The following PLXNA2 variants were observed in gnomAD, a reference collection of about 807,000 sequenced individuals.
PLXNA2 encodes the protein plexin-A2.
Under a neutral mutation model 193.5 loss-of-function variants are expected in PLXNA2, and 91 were observed. The ratio of observed to expected loss-of-function variants is 0.47; its 90% CI spans 0.40 to 0.56. The LOEUF is 0.56. PLXNA2 is among the 20% of genes least tolerant of loss of function. The pLI, the probability that PLXNA2 is intolerant of heterozygous loss-of-function variation, is 0.00. For missense variants in PLXNA2, 1,995 were observed against 2,503.2 expected (o/e 0.80, Z 4.33); for synonymous variants, 997 against 1,027.3 (o/e 0.97, Z 0.56).
chr1:208,186,863 G>A (rs1670022943), intron 3 of PLXNA2, among the ~76,000 whole-genome samples: 1 of 151,258 alleles, frequency 6.6e-6, no homozygotes, highest in South Asian at 2.1e-4. Context: ...GGGACTACAG[G>A]CGCCCGCCAC....
At position 208,183,419 on chromosome 1, in the gene PLXNA2, G is replaced by A. The variant is rs1239203360; in HGVS notation, c.1371+26861C>T. 2.0e-5 allele frequency among the ~76,000 whole-genome samples: 3 copies of A among 152,314 alleles called. No homozygotes were observed. The East Asian group carries it at 5.8e-4, about 29-fold the overall frequency. On this transcript the variant is annotated intron_variant, in intron 3 of 31. Transcript: ENST00000367033. ...ATGGGGGAGTAGAGGGAGCCGGAAA[G>A]GAGGTCTGCAGGCCTCGTTGACTCT...
In PLXNA2 at chr1:208,179,777, C is replaced by T. The variant is rs546941373; in HGVS notation, c.1371+30503G>A. Among the ~76,000 whole-genome samples, 34 of 152,306 alleles carry T rather than the reference C, an allele frequency of 2.2e-4. 1 individual carries two copies. Among genetic ancestry groups the T allele is most frequent in the African/African-American group, 7.9e-4 (33 of 41,560 alleles). On this transcript the variant is annotated intron_variant, in intron 3 of 31. Coordinates refer to ENST00000367033, the MANE Select transcript of PLXNA2 (RefSeq NM_025179.4). ...CCTCCCCTTGGAGATTCTGTACTCT[C>T]TCCTGCTGCCCAGGGAAGCCAGAGC...
At chr1:208,047,279 T>G (rs941733245) in intron 17 of PLXNA2, among the ~76,000 whole-genome samples, 1 of 91,738 alleles carries the variant, frequency 1.1e-5, no homozygotes, top group South Asian at 4.4e-4. Flanking sequence ...ATGTTTTATG[T>G]AGGACCTCTC....
intron 9 of PLXNA2, among the ~76,000 whole-genome samples, chr1:208,087,762 A>G (rs1367154459): frequency 6.6e-6 from 1 of 152,258 alleles, no homozygotes; most frequent in Admixed American, 6.5e-5. Flanking sequence ...TGGAAATTGC[A>G]GTGGTAAGGG....
chr1:208,045,171 G>T lies in PLXNA2; in HGVS notation c.3535C>A (p.Leu1179Ile). 2 of 1,614,160 alleles carry T rather than the reference G, an allele frequency of 1.2e-6. No homozygotes were observed. Among genetic ancestry groups the T allele is most frequent in the Non-Finnish European group, 1.7e-6 (2 of 1,180,008 alleles). ...LCPPASGGAK[L>I]NYTVLIGETP... ...TCTCCGATGAGCACAGTGTAGTTGA[G>T]TTTGGCCCCTCCAGAGGCAGGAGGG... is the stretch of plus-strand genomic sequence containing the variant. The change falls in exon 19 of 32, where the codon CTC becomes ATC. Residue 1179 changes from leucine (L) to isoleucine (I), a missense_variant. Coordinates refer to ENST00000367033, the MANE Select transcript of PLXNA2 (RefSeq NM_025179.4).
chr1:208,051,474 G>A (rs1665260405), intron 15 of PLXNA2, 51 bp from the exon 16 acceptor site: 1 of 1,514,588 alleles, frequency 6.6e-7, no homozygotes, highest in African/African-American at 1.4e-5. Context: ...GGCAACAAGA[G>A]GTGCCCACTG....
intron 3 of PLXNA2, among the ~76,000 whole-genome samples, chr1:208,162,482 C>T (rs1055191228): frequency 6.6e-6 from 1 of 152,094 alleles, no homozygotes; most frequent in African/African-American, 2.4e-5. Context: ...CAAGGTGAGC[C>T]CTGAGGTCCT....
At chr1:208,068,124 G>C (rs72739470) in intron 12 of PLXNA2, among the ~76,000 whole-genome samples, 1,997 of 152,298 alleles carry the variant, frequency 0.013, 19 homozygotes, top group Middle Eastern at 0.065. Flanking sequence ...TAACTATCTT[G>C]GGACAAGGGA....
chr1:208,206,671 T>A (rs530488627), intron 3 of PLXNA2, among the ~76,000 whole-genome samples: 6 of 152,370 alleles, frequency 3.9e-5, no homozygotes, highest in Admixed American at 1.3e-4. Flanking sequence ...GTTGCTGTTT[T>A]GTTTGAATTC....
chr1:208,087,035 G>C (rs78520705), intron 9 of PLXNA2, among the ~76,000 whole-genome samples: 5 of 151,314 alleles, frequency 3.3e-5, no homozygotes, highest in African/African-American at 1.2e-4. Context: ...CAGACAGAGA[G>C]ACAGAGAGAA....
At chr1:208,056,725 C>T (rs759320993) in intron 13 of PLXNA2, among the ~76,000 whole-genome samples, 2 of 152,146 alleles carry the variant, frequency 1.3e-5, no homozygotes, top group Non-Finnish European at 2.9e-5. Context: ...ATGCAGGGGT[C>T]CAGGGGCTGC....
chr1:208,125,612 A>G (rs1232285840), intron 4 of PLXNA2, among the ~76,000 whole-genome samples: 1 of 152,242 alleles, frequency 6.6e-6, no homozygotes, highest in Non-Finnish European at 1.5e-5. Context: ...TTCGAAGCAT[A>G]TTAGATAAAA....
At chr1:208,074,738 C>G (rs1191806210) in intron 12 of PLXNA2, among the ~76,000 whole-genome samples, 7 of 152,224 alleles carry the variant, frequency 4.6e-5, no homozygotes, top group Admixed American at 4.6e-4. Flanking sequence ...CCAGCTTCCA[C>G]TTATTTCCAG....
intron 13 of PLXNA2, among the ~76,000 whole-genome samples, chr1:208,056,854 G>C (rs1374173971): frequency 2.6e-5 from 4 of 152,166 alleles, no homozygotes; most frequent in African/African-American, 9.7e-5. Context: ...GTAGAAAAGG[G>C]TCTGGGCAGG....
chr1:208,217,577 G>C lies in PLXNA2; in HGVS notation c.346C>G (p.Leu116Val). The stretch of plus-strand genomic sequence containing the variant: ...TTCTCAGAGTAGTCAATGATGAGCA[G>C]CTTGTTGACATTGTTGGTGAGGGTG... Reference protein sequence around the residue: ...VLTLTNNVNKLLIIDYSENRL... With the variant: ...VLTLTNNVNKVLIIDYSENRL... Residue 116 changes from leucine (L) to valine (V), a missense_variant, in exon 2 of 32, where the codon CTG becomes GTG. Leu to Val is a conservative substitution (Grantham distance 32). Transcript: ENST00000367033. The surrounding 1 kb of genome is among the most constrained non-coding windows in gnomAD (Gnocchi z 4.7). 3 of 1,614,240 alleles carry C rather than the reference G, an allele frequency of 1.9e-6. No individual in the cohort carries two copies. Among genetic ancestry groups the C allele is most frequent in the Non-Finnish European group, 2.5e-6 (3 of 1,180,034 alleles).
intron 3 of PLXNA2, among the ~76,000 whole-genome samples, chr1:208,146,760 A>G (rs558460451): frequency 1.3e-5 from 2 of 152,330 alleles, no homozygotes; most frequent in East Asian, 3.9e-4. Flanking sequence ...CAACACCAAG[A>G]TGCACAGGTC....
chr1:208,112,594 G>C (rs1370845558), intron 4 of PLXNA2, among the ~76,000 whole-genome samples: 4 of 152,184 alleles, frequency 2.6e-5, no homozygotes, highest in Non-Finnish European at 5.9e-5. Context: ...GCATGGAAAA[G>C]CTGCAGAGGG....
At position 208,052,459 on chromosome 1, in the gene PLXNA2, G is replaced by A. The variant is rs1451392144; in HGVS notation, c.2861C>T (p.Pro954Leu). ...KSHQQYTFVNPSVLSLNPIRG... is the reference protein window; with the variant it reads ...KSHQQYTFVNLSVLSLNPIRG... ...GATTGGGTTGAGTGACAGCACAGAA[G>A]GGTTCTTTGGAAAGAAGCAGAGAAA... The change falls in exon 15 of 32, where the codon CCT becomes CTT. Residue 954 changes from proline (P) to leucine (L), a missense_variant. Around this residue, in one of 3 missense-constraint regions of PLXNA2, gnomAD observed 1,291 missense variants for 1,673.6 expected, o/e 0.77. Coordinates refer to ENST00000367033, the MANE Select transcript of PLXNA2 (RefSeq NM_025179.4). The A allele has an allele frequency of 2.5e-6, 4 of 1,614,018 alleles. No individual in the cohort carries two copies. Among genetic ancestry groups the A allele is most frequent in the Non-Finnish European group, 3.4e-6 (4 of 1,179,966 alleles).
chr1:208,083,244 A>T (rs1257633523), intron 10 of PLXNA2, among the ~76,000 whole-genome samples: 3 of 152,174 alleles, frequency 2.0e-5, no homozygotes, highest in East Asian at 3.9e-4. Context: ...CTATCGTTAA[A>T]GTCCTCTAGC....
Sources: gnomAD v4.1 joint callset for allele counts (sites outside exome capture counted in the v4.1 genomes callset) on GRCh38, gnomAD v4.1.1 for gene constraint, gnomAD v4.1.1 regional missense constraint, Gnocchi (gnomAD v3.1) non-coding constraint, MANE v1.5 for transcripts, NCBI Gene and HGNC (gene_info 2026-07-23, HGNC 2026-07-21) for gene names.